The following ELMO2 variants were observed in gnomAD, a reference collection of about 807,000 sequenced individuals.
The protein encoded by ELMO2 is engulfment and cell motility protein 2.
In ELMO2, 37 loss-of-function variants were observed where a neutral mutation model predicts 96.2. The observed-to-expected ratio is 0.38, with a 90% CI of 0.30 to 0.51. ELMO2 has a LOEUF of 0.51. Ranked by LOEUF, ELMO2 falls within the 20% of genes least tolerant of loss-of-function variation. The probability of loss-of-function intolerance (pLI) is 0.88; values close to 1 mark genes in which losing one functional copy is unlikely to be tolerated. For missense variants in ELMO2, 561 were observed against 912.6 expected, an observed-to-expected ratio of 0.61 and a Z score of 4.96; for synonymous variants, 315 against 329.4, an observed-to-expected ratio of 0.96 and a Z score of 0.47.
intron 11 of ELMO2, among the ~76,000 whole-genome samples, chr20:46,377,671 C>G (rs942187510): frequency 9.2e-5 from 14 of 152,238 alleles, no homozygotes; most frequent in African/African-American, 3.1e-4. Context: ...GGAGTTAGGC[C>G]TCTGCCTGCA....
At chr20:46,390,399 CAT>C (rs1253811793) in intron 6 of ELMO2, among the ~76,000 whole-genome samples, 4 of 152,242 alleles carry the variant, frequency 2.6e-5, no homozygotes, top group South Asian at 4.1e-4. Context: ...TCTTAGAATC[CAT>C]ATGATTGTTC....
In ELMO2 at chr20:46,386,050, T is replaced by C. The variant is rs1297272442; in HGVS notation, c.677+74A>G. The C allele has an allele frequency of 5.2e-6, 8 of 1,524,614 alleles. No individual in the cohort carries two copies. In the East Asian group the frequency reaches 6.8e-5, roughly 13 times the overall value. 94.4% of individuals were successfully genotyped at this position (1,524,614 alleles called of 1,614,324 possible). ...GGAATATAAGCAAAGGAGAGTAGGA[T>C]TGGAAGACTTAAAATAAGAGGAGAA... On this transcript the variant is annotated intron_variant, in intron 9 of 21. Transcript: ENST00000290246.
chr20:46,368,994 A>G, intron 20 of ELMO2, 26 bp from the exon 21 acceptor site: 2 of 1,611,252 alleles, frequency 1.2e-6, no homozygotes, highest in African/African-American at 2.7e-5. Flanking sequence ...TTTAAATTAG[A>G]GCGATGGAAC....
intron 9 of ELMO2, among the ~76,000 whole-genome samples, chr20:46,385,612 C>T (rs150079215): frequency 1.3e-5 from 2 of 152,312 alleles, no homozygotes; most frequent in African/African-American, 4.8e-5. Flanking sequence ...TCCAAACTCA[C>T]ACCTGTGTGA....
chr20:46,394,586 CTT>C (rs912091857), intron 2 of ELMO2, 54 bp from the exon 3 acceptor site: 14 of 1,327,476 alleles, frequency 1.1e-5, no homozygotes, highest in African/African-American at 2.9e-5. Context: ...ATTTTTCACT[CTT>C]GTTACATGTT....
chr20:46,378,578 C>G (rs749088830), intron 11 of ELMO2, among the ~76,000 whole-genome samples: 6 of 152,204 alleles, frequency 3.9e-5, no homozygotes, highest in Non-Finnish European at 7.3e-5. Flanking sequence ...TCCTGCCAGG[C>G]TGGTAGCTGG....
chr20:46,369,617 C>T (rs186192614), intron 20 of ELMO2: 82 of 153,594 alleles, frequency 5.3e-4, no homozygotes, highest in Admixed American at 1.7e-3. Context: ...CAACAGTCTG[C>T]TAATTATCAC....
intron 2 of ELMO2, among the ~76,000 whole-genome samples, chr20:46,395,075 G>A (rs994960742): frequency 6.6e-6 from 1 of 152,124 alleles, no homozygotes; most frequent in Non-Finnish European, 1.5e-5. Context: ...TGTGTGGGAC[G>A]ACATCAGAAA....
chr20:46,371,287 G>A lies in ELMO2; in HGVS notation c.1801+65C>T, dbSNP rs540863930. 2.7e-5 allele frequency: 40 copies of A among 1,502,168 alleles called. No individual in the cohort carries two copies. In the African/African-American group the frequency reaches 3.4e-4, roughly 13 times the overall value. 93.1% of individuals were successfully genotyped at this position (1,502,168 alleles called of 1,614,324 possible). A position where few individuals can be genotyped will look rare whatever the true frequency, so the allele number is the denominator to read the frequency against. The stretch of plus-strand genomic sequence containing the variant: ...CCAGATGATCAGCTACAAACAGCTG[G>A]ACTAGAACTCCTGTCTCCTGACAAG... On this transcript the variant is annotated intron_variant, in intron 19 of 21. Coordinates refer to ENST00000290246, the MANE Select transcript of ELMO2 (RefSeq NM_133171.5). The surrounding 1 kb of genome is among the most constrained non-coding windows in gnomAD (Gnocchi z 5.9).
At chr20:46,368,422 C>A (rs948153476) in intron 21 of ELMO2, among the ~76,000 whole-genome samples, 2 of 152,122 alleles carry the variant, frequency 1.3e-5, no homozygotes, top group African/African-American at 2.4e-5. Context: ...TGACCAGGAG[C>A]CCCTAGGAGG....
intron 1 of ELMO2, among the ~76,000 whole-genome samples, chr20:46,399,735 A>G (rs552496353): frequency 2.6e-5 from 4 of 152,312 alleles, no homozygotes; most frequent in South Asian, 2.1e-4. Flanking sequence ...CTTAAACCCA[A>G]TGGCTCTGAT....
intron 11 of ELMO2, among the ~76,000 whole-genome samples, chr20:46,376,472 G>A (rs1197357983): frequency 4.6e-5 from 7 of 151,682 alleles, no homozygotes; most frequent in East Asian, 3.9e-4. Flanking sequence ...TTCCCCTGTC[G>A]GTTCATCACC....
intron 6 of ELMO2, among the ~76,000 whole-genome samples, chr20:46,389,683 C>CA (rs1466311865): frequency 6.6e-6 from 1 of 151,808 alleles, no homozygotes; most frequent in Non-Finnish European, 1.5e-5. Context: ...CCCTGACTCC[C>CA]AAAAAATTTT....
chr20:46,376,358 T>G (rs1281341006), intron 11 of ELMO2, among the ~76,000 whole-genome samples: 1 of 151,788 alleles, frequency 6.6e-6, no homozygotes, highest in Non-Finnish European at 1.5e-5. Flanking sequence ...TCCTCTCACT[T>G]GTCCTCTCCT....
rs2059599751 is a variant in ELMO2 at position 46,367,174 on chromosome 20, C to G, written c.*186G>C. The G allele has an allele frequency of 1.9e-6, 1 of 537,784 alleles. No individual in the cohort carries two copies. The highest frequency in any genetic ancestry group is 3.0e-5 in the South Asian group (1 of 33,446). The allele number at this position is 537,784 out of a possible 1,614,324, so 33.3% of individuals were successfully genotyped here. A position where few individuals can be genotyped will look rare whatever the true frequency, so the allele number is the denominator to read the frequency against. ...GGCAGAGCACCCTGCCTTCATGACT[C>G]TTAGTAGACAGGGACCAAGAGGAAA... On this transcript the variant is annotated 3_prime_UTR_variant, in exon 22 of 22. Transcript: ENST00000290246.
intron 9 of ELMO2, 57 bp downstream of exon 9, chr20:46,386,067 A>G (rs756997047): frequency 5.5e-5 from 86 of 1,564,390 alleles, no homozygotes; most frequent in Non-Finnish European, 7.1e-5. Flanking sequence ...ACTTAAAATA[A>G]GAGGAGAAAA....
In ELMO2 at chr20:46,394,459, G is replaced by T. The variant is rs1304596624; in HGVS notation, c.24C>A (p.Val8=). 3.1e-6 allele frequency: 5 copies of T among 1,614,102 alleles called. No individual in the cohort carries two copies. The highest frequency in any genetic ancestry group is 1.1e-5 in the South Asian group (1 of 91,090). ...CACCTGGCCACTCAATGGCCACTTT[G>T]ACAATGTCTGACGGTGGTGGCATCG... MPPPSDI[V]KVAIEWPGAN... Residue 8 remains valine (V), a synonymous_variant, in exon 3 of 22, where the codon GTC becomes GTA. Coordinates refer to ENST00000290246, the MANE Select transcript of ELMO2 (RefSeq NM_133171.5).
intron 20 of ELMO2, 66 bp downstream of exon 20, chr20:46,370,377 A>C: frequency 1.4e-6 from 2 of 1,462,398 alleles, no homozygotes; most frequent in Non-Finnish European, 1.9e-6. Flanking sequence ...ACCTGGAAAA[A>C]ACCACCACCA....
chr20:46,397,982 G>T (rs2145852249), intron 2 of ELMO2, among the ~76,000 whole-genome samples: 1 of 152,282 alleles, frequency 6.6e-6, no homozygotes. Flanking sequence ...GTACCTGAAA[G>T]TCCACTGTAT....
Sources: gnomAD v4.1 joint callset for allele counts (sites outside exome capture counted in the v4.1 genomes callset) on GRCh38, gnomAD v4.1.1 for gene constraint, Gnocchi (gnomAD v3.1) non-coding constraint, MANE v1.5 for transcripts, NCBI Gene and HGNC (gene_info 2026-07-23, HGNC 2026-07-21) for gene names.